HOPX: variants seen among roughly 807,000 people sequenced by gnomAD.
HOPX encodes the protein homeodomain-only protein.
HOPX carries 5 observed loss-of-function variants against 11.8 expected under a neutral mutation model. The ratio of observed to expected loss-of-function variants is 0.43; its 90% CI spans 0.22 to 0.89. HOPX has a LOEUF of 0.89. Ranked by LOEUF, HOPX falls within the 40% of genes least tolerant of loss-of-function variation. HOPX has a pLI of 0.28. For missense variants in HOPX, 119 were observed against 120.0 expected, an observed-to-expected ratio of 0.99 and a Z score of 0.04; for synonymous variants, 49 against 49.7, an observed-to-expected ratio of 0.99 and a Z score of 0.06.
intron 2 of HOPX, among the ~76,000 whole-genome samples, chr4:56,657,361 A>G (rs551659378): frequency 6.6e-6 from 1 of 152,304 alleles, no homozygotes; most frequent in African/African-American, 2.4e-5. Context: ...ATCATCCAGC[A>G]CAATCCTGAG....
At chr4:56,664,169 T>G (rs1718305647) in intron 1 of HOPX, 1 of 152,044 alleles carries the variant, frequency 6.6e-6, no homozygotes, top group African/African-American at 2.4e-5. Context: ...CTCACACTAT[T>G]GCCCAGGTTG....
At chr4:56,673,230 C>T (rs1266777333) in intron 1 of HOPX, among the ~76,000 whole-genome samples, 1 of 151,948 alleles carries the variant, frequency 6.6e-6, no homozygotes, top group Non-Finnish European at 1.5e-5. Flanking sequence ...GAAATATCAT[C>T]AACAACATAG....
chr4:56,653,248 C>T (rs1260849263), intron 3 of HOPX, among the ~76,000 whole-genome samples: 1 of 151,900 alleles, frequency 6.6e-6, no homozygotes, highest in African/African-American at 2.4e-5. Flanking sequence ...AGATGGGCAG[C>T]GTCTTGCCAT....
intron 3 of HOPX, 77 bp downstream of exon 3, chr4:56,655,780 C>G: frequency 6.7e-7 from 1 of 1,497,366 alleles, no homozygotes; most frequent in African/African-American, 1.5e-5. Context: ...GAGGCGCGGA[C>G]GAACAGGACC....
At chr4:56,672,101 T>C (rs886978214) in intron 1 of HOPX, among the ~76,000 whole-genome samples, 1 of 152,102 alleles carries the variant, frequency 6.6e-6, no homozygotes, top group African/African-American at 2.4e-5. Context: ...TTTGCAATCA[T>C]TAAAATGGCA....
chr4:56,670,846 A>G (rs1205325768), intron 1 of HOPX, among the ~76,000 whole-genome samples: 1 of 152,104 alleles, frequency 6.6e-6, no homozygotes, highest in Non-Finnish European at 1.5e-5. Context: ...AAAATACAAA[A>G]ATTAGCCAGG....
intron 1 of HOPX, among the ~76,000 whole-genome samples, chr4:56,670,981 A>C (rs530399343): frequency 3.3e-5 from 5 of 152,158 alleles, no homozygotes; most frequent in Non-Finnish European, 7.4e-5. Context: ...TGGGTGAAAA[A>C]AAAAAAAAAT....
chr4:56,670,277 T>C (rs1478468573), intron 1 of HOPX, among the ~76,000 whole-genome samples: 1 of 152,210 alleles, frequency 6.6e-6, no homozygotes, highest in Non-Finnish European at 1.5e-5. Context: ...GTCAGATTTG[T>C]CAAACAAATT....
chr4:56,657,251 G>T (rs931482580), intron 2 of HOPX, among the ~76,000 whole-genome samples: 3 of 152,132 alleles, frequency 2.0e-5, no homozygotes, highest in Non-Finnish European at 2.9e-5. Context: ...CTTGGCTGTG[G>T]GTTTGGCACA....
chr4:56,677,427 T>C (rs1472224260), intron 1 of HOPX, among the ~76,000 whole-genome samples: 1 of 151,736 alleles, frequency 6.6e-6, no homozygotes, highest in Non-Finnish European at 1.5e-5. Context: ...ATGGTAACTA[T>C]ATATAACATT....
chr4:56,672,056 T>A (rs1183395327), intron 1 of HOPX, among the ~76,000 whole-genome samples: 2 of 152,046 alleles, frequency 1.3e-5, no homozygotes, highest in Non-Finnish European at 2.9e-5. Flanking sequence ...TCCCAGTGAC[T>A]CAGGATATAA....
intron 3 of HOPX, chr4:56,650,971 G>T: frequency 1.6e-6 from 1 of 615,582 alleles, no homozygotes; most frequent in Non-Finnish European, 2.7e-6. Context: ...TAATGAGGTA[G>T]CTCTGTGGGG....
At position 56,655,843 on chromosome 4, in the gene HOPX, GT is replaced by G; in HGVS notation, c.198+13del. ...GCAGGGGTCGGGGCGCGCTGGGCGC[GT>G]GTGGGGACGCACCTGGGTCTCCTCC... On this transcript the variant is annotated intron_variant, in intron 3 of 3. Coordinates refer to ENST00000420433, the MANE Select transcript of HOPX (RefSeq NM_032495.6). The G allele has an allele frequency of 6.2e-7, 1 of 1,608,986 alleles. No homozygotes were observed. The highest frequency in any genetic ancestry group is 8.5e-7 in the Non-Finnish European group (1 of 1,177,978).
chr4:56,661,161 C>CA (rs1718096679), intron 1 of HOPX, among the ~76,000 whole-genome samples: 1 of 151,424 alleles, frequency 6.6e-6, no homozygotes, highest in Non-Finnish European at 1.5e-5. Flanking sequence ...CCTAAAAGAA[C>CA]TTTTTTTTTA....
intron 3 of HOPX, among the ~76,000 whole-genome samples, chr4:56,653,010 C>T (rs1173671447): frequency 1.3e-5 from 2 of 152,090 alleles, no homozygotes; most frequent in East Asian, 3.9e-4. Flanking sequence ...CCAGAAGACA[C>T]TTTCTTTTTG....
intron 1 of HOPX, among the ~76,000 whole-genome samples, chr4:56,670,668 T>A (rs1046531514): frequency 6.6e-6 from 1 of 152,190 alleles, no homozygotes; most frequent in African/African-American, 2.4e-5. Context: ...CTCAAAAGCT[T>A]AAATGATGAT....
chr4:56,674,074 T>G (rs1718878566), intron 1 of HOPX, among the ~76,000 whole-genome samples: 1 of 151,538 alleles, frequency 6.6e-6, no homozygotes, highest in Non-Finnish European at 1.5e-5. Context: ...TCCTCCCTTT[T>G]CAGCTGTGGA....
In HOPX at chr4:56,673,665, G is replaced by T. The variant is rs189143418; in HGVS notation, c.-84+7590C>A. On this transcript the variant is annotated intron_variant, in intron 1 of 3. Transcript: ENST00000420433. ...TTCAGTGGCTTTATAGCCTTCTCTT[G>T]TCCAAGCTAAATAACATCAGGCCTT... Among the ~76,000 whole-genome samples the T allele has an allele frequency of 2.5e-3, 378 of 152,232 alleles. 3 individuals carry two copies. Among genetic ancestry groups the T allele is most frequent in the Non-Finnish European group, 4.7e-3 (321 of 68,012 alleles).
intron 2 of HOPX, among the ~76,000 whole-genome samples, chr4:56,657,151 T>C (rs1449703047): frequency 1.3e-5 from 2 of 152,160 alleles, no homozygotes; most frequent in African/African-American, 4.8e-5. Context: ...AACTTAAAAA[T>C]TTTAAAAATT....
Sources: gnomAD v4.1 joint callset for allele counts (sites outside exome capture counted in the v4.1 genomes callset) on GRCh38, gnomAD v4.1.1 for gene constraint, MANE v1.5 for transcripts, NCBI Gene and HGNC (gene_info 2026-07-23, HGNC 2026-07-21) for gene names.